The following MGST1 variants were observed in gnomAD, a reference collection of about 807,000 sequenced individuals.
MGST1 encodes glutathione S-transferase 12.
A neutral mutation model predicts 8.9 loss-of-function variants in MGST1; 5 were observed. The ratio of observed to expected loss-of-function variants is 0.56; its 90% CI spans 0.29 to 1.19. The LOEUF (loss-of-function observed/expected upper bound fraction) is 1.19. Among genes scored for constraint, MGST1 ranks in the 50% most tolerant of loss-of-function variants. The pLI is 0.08. For missense variants in MGST1, 182 were observed against 187.4 expected (o/e 0.97, Z 0.17); for synonymous variants, 54 against 67.8 (o/e 0.80, Z 1.00).
chr12:16,395,516 A>G (rs1940596391), intron 1 of MGST1, among the ~76,000 whole-genome samples: 1 of 152,022 alleles, frequency 6.6e-6, no homozygotes, highest in African/African-American at 2.4e-5. Flanking sequence ...TGGTGTACCC[A>G]TCACCTGAGC....
intron 1 of MGST1, among the ~76,000 whole-genome samples, chr12:16,417,350 C>T (rs547143311): frequency 2.6e-5 from 4 of 152,248 alleles, no homozygotes; most frequent in South Asian, 4.1e-4. Context: ...GGAACTGCCT[C>T]CATGATCTAA....
intron 4 of MGST1, among the ~76,000 whole-genome samples, chr12:16,455,586 T>C (rs2137118119): frequency 6.6e-6 from 1 of 151,854 alleles, no homozygotes; most frequent in Admixed American, 6.6e-5. Flanking sequence ...TAGATGATGC[T>C]AAAGAATGAA....
chr12:16,563,177 G>C (rs980718854), intron 4 of MGST1, among the ~76,000 whole-genome samples: 1 of 152,112 alleles, frequency 6.6e-6, no homozygotes, highest in Admixed American at 6.6e-5. Flanking sequence ...TTACTGAACT[G>C]TCAGCTCACA....
Position 16,585,602 on chromosome 12 carries a change from T to C in MGST1, n.483-3926T>C, listed in dbSNP as rs769098966. Among the ~76,000 whole-genome samples the C allele has an allele frequency of 8.5e-5, 13 of 152,208 alleles. No homozygotes were observed. The highest frequency in any genetic ancestry group is 1.8e-4 in the Non-Finnish European group (12 of 68,046). ...TGAGCATCTCTCATGCATCAGGCCC[T>C]ATGTTCCCACCTGTATTTTCTTTCC... is the stretch of plus-strand genomic sequence containing the variant. On this transcript the variant is annotated intron_variant and non_coding_transcript_variant, in intron 4 of 4. Coordinates refer to the MGST1 transcript ENST00000538857. This position sits in a 1 kb window ranked among gnomAD's most constrained non-coding sequence, Gnocchi z 4.7.
At chr12:16,380,304 C>G (rs1223578680), downstream of MGST1, among the ~76,000 whole-genome samples, 1 of 152,200 alleles carries the variant, frequency 6.6e-6, no homozygotes, top group Non-Finnish European at 1.5e-5. Context: ...CCTCTACACA[C>G]TGCTTTGAAT....
intron 1 of MGST1, chr12:16,400,292 C>T: frequency 1.3e-6 from 1 of 796,834 alleles, no homozygotes; most frequent in East Asian, 2.4e-5. Flanking sequence ...ATTACTCCAT[C>T]ACAGAGCTGG....
rs542514204 is a variant in MGST1 at position 16,369,631 on chromosome 12, A to G, written c.222-6491A>G. ...AACGCAGCAGTACTTACTTATTTTT[A>G]TATTTCCTGCAACTGCTTTTGTGTC... On this transcript the variant is annotated intron_variant, in intron 3 of 3. Coordinates refer to the MGST1 transcript ENST00000535309. The surrounding 1 kb of genome is among the most constrained non-coding windows in gnomAD (Gnocchi z 4.8). 4.6e-5 allele frequency: 7 copies of G among 152,252 alleles called. No homozygotes were observed. The highest frequency in any genetic ancestry group is 6.5e-5 in the Admixed American group (1 of 15,282). The allele number at this position is 152,252 out of a possible 1,614,324, so 9.4% of individuals were successfully genotyped here. A position where few individuals can be genotyped will look rare whatever the true frequency, so the allele number is the denominator to read the frequency against.
chr12:16,385,547 T>A (rs1342905183), intron 1 of MGST1, among the ~76,000 whole-genome samples: 3 of 152,336 alleles, frequency 2.0e-5, no homozygotes, highest in Admixed American at 2.0e-4. Flanking sequence ...GCTAAATTTA[T>A]ACTTATTTTA....
rs1943003371 is a variant in MGST1 at position 16,576,606 on chromosome 12, A to T, written n.483-12922A>T. ...TTACGTACCTGTTTGTCTCTTTCTC[A>T]CTACATAATAAGCTCCCTGAAAACT... is the stretch of plus-strand genomic sequence containing the variant. On this transcript the variant is annotated intron_variant and non_coding_transcript_variant, in intron 4 of 4. Coordinates refer to the MGST1 transcript ENST00000538857. This position sits in a 1 kb window ranked among gnomAD's most constrained non-coding sequence, Gnocchi z 4.1. 6.6e-6 allele frequency among the ~76,000 whole-genome samples: 1 copy of T among 152,070 alleles called. No homozygotes were observed. Among genetic ancestry groups the T allele is most frequent in the Non-Finnish European group, 1.5e-5 (1 of 68,026 alleles).
chr12:16,364,755 C>G (rs1940153928), downstream of MGST1, among the ~76,000 whole-genome samples: 1 of 151,958 alleles, frequency 6.6e-6, no homozygotes, highest in Non-Finnish European at 1.5e-5. The surrounding 1 kb of genome is among the most constrained non-coding windows in gnomAD (Gnocchi z 5.7). Flanking sequence ...TTCATGTTTC[C>G]CCAGTAATAG....
intron 1 of MGST1, chr12:16,402,407 A>C (rs1373891309): frequency 6.2e-7 from 1 of 1,604,696 alleles, no homozygotes; most frequent in Non-Finnish European, 8.5e-7. Flanking sequence ...GTCTTTGTCC[A>C]GAGTCACAGC....
intron 1 of MGST1, among the ~76,000 whole-genome samples, chr12:16,396,862 A>G (rs1197272727): frequency 6.6e-6 from 1 of 152,154 alleles, no homozygotes; most frequent in Admixed American, 6.5e-5. Flanking sequence ...CCATACTGCC[A>G]AAAGCAGTCT....
chr12:16,571,989 T>A, intron 4 of MGST1, among the ~76,000 whole-genome samples: 1 of 151,826 alleles, frequency 6.6e-6, no homozygotes, highest in East Asian at 1.9e-4. Flanking sequence ...AAGAGAAAAA[T>A]CCCACATTAT....
chr12:16,513,970 G>T lies in MGST1; in HGVS notation n.483-75558G>T. 2.1e-6 allele frequency: 1 copy of T among 485,126 alleles called. No homozygotes were observed. The highest frequency in any genetic ancestry group is 4.0e-6 in the Non-Finnish European group (1 of 248,882). The allele number at this position is 485,126 out of a possible 1,614,324, so 30.1% of individuals were successfully genotyped here. On this transcript the variant is annotated intron_variant and non_coding_transcript_variant, in intron 4 of 4. Coordinates refer to the MGST1 transcript ENST00000538857. The surrounding 1 kb of genome is among the most constrained non-coding windows in gnomAD (Gnocchi z 4.2). The stretch of plus-strand genomic sequence containing the variant: ...TTTTGACTTCACAGACACTGTGGAG[G>T]ACATTTCAAAAACACCAGAGCAAAG...
chr12:16,499,038 G>T (rs548552570), intron 4 of MGST1, among the ~76,000 whole-genome samples: 20 of 152,202 alleles, frequency 1.3e-4, no homozygotes, highest in African/African-American at 4.3e-4. Context: ...TATTTAAAGG[G>T]AGTCTTTTAG....
intron 4 of MGST1, among the ~76,000 whole-genome samples, chr12:16,509,803 C>A (rs921944555): frequency 1.3e-5 from 2 of 152,050 alleles, no homozygotes; most frequent in East Asian, 1.9e-4. Flanking sequence ...GGGTATATAG[C>A]CTTTCTCTAG....
chr12:16,526,019 AGTTCATT>A (rs1342760603), intron 4 of MGST1, among the ~76,000 whole-genome samples: 3 of 143,006 alleles, frequency 2.1e-5, no homozygotes, highest in African/African-American at 8.1e-5. Flanking sequence ...AATTTGTTTG[AGTTCATT>A]GTAGATTCTG....
At chr12:16,347,167 T>C (rs756646218), upstream of MGST1, 8 of 152,244 alleles carry the variant, frequency 5.3e-5, no homozygotes, top group Non-Finnish European at 8.8e-5. This position sits in a 1 kb window ranked among gnomAD's most constrained non-coding sequence, Gnocchi z 4.0. Flanking sequence ...TTGTCTGGTA[T>C]CATGAATTTG....
At chr12:16,486,158 C>T (rs963896768) in intron 4 of MGST1, among the ~76,000 whole-genome samples, 17 of 152,138 alleles carry the variant, frequency 1.1e-4, no homozygotes, top group African/African-American at 3.9e-4. Context: ...CATCCCTATT[C>T]CCACACTTCG....
Sources: gnomAD v4.1 joint callset for allele counts (sites outside exome capture counted in the v4.1 genomes callset) on GRCh38, gnomAD v4.1.1 for gene constraint, Gnocchi (gnomAD v3.1) non-coding constraint, MANE v1.5 for transcripts, NCBI Gene and HGNC (gene_info 2026-07-23, HGNC 2026-07-21) for gene names.